The following MEGF11 variants were observed in gnomAD, a reference collection of about 807,000 sequenced individuals.
MEGF11 encodes the protein multiple EGF like domains 11.
Under a neutral mutation model 146.6 loss-of-function variants are expected in MEGF11, and 126 were observed. That is an observed-to-expected ratio of 0.86 (90% CI 0.74 to 1.00). The LOEUF (loss-of-function observed/expected upper bound fraction) is 1.00. Ranked by LOEUF, MEGF11 falls within the 50% of genes least tolerant of loss-of-function variation. The probability of loss-of-function intolerance (pLI) is 0.00; values close to 1 mark genes in which losing one functional copy is unlikely to be tolerated. For synonymous variants in MEGF11, 532 were observed against 583.4 expected (o/e 0.91, Z 1.27); for missense variants, 1,509 against 1,521.2 (o/e 0.99, Z 0.13).
chr15:66,078,793 T>G (rs1567230597), intron 5 of MEGF11, among the ~76,000 whole-genome samples: 1 of 152,208 alleles, frequency 6.6e-6, no homozygotes, highest in Non-Finnish European at 1.5e-5. Flanking sequence ...TTTGTCACAT[T>G]CAAGGTGGGA....
At position 66,065,393 on chromosome 15, in the gene MEGF11, G is replaced by A. The variant is rs1299025953; in HGVS notation, c.394+29009C>T. Among the ~76,000 whole-genome samples, 3 of 152,098 alleles carry A rather than the reference G, an allele frequency of 2.0e-5. No individual in the cohort carries two copies. The East Asian group carries it at 5.8e-4, about 29-fold the overall frequency. ...GTCAACTCCTGGTAAACCTCCTGTGGCCAAGTTAGATGGGATGCCACCCCC... is the reference window on the plus strand; with the variant it reads ...GTCAACTCCTGGTAAACCTCCTGTGACCAAGTTAGATGGGATGCCACCCCC... On this transcript the variant is annotated intron_variant, in intron 5 of 25. Coordinates refer to ENST00000395614, the MANE Select transcript of MEGF11 (RefSeq NM_001385028.1).
At chr15:66,163,717 G>C (rs2090016866) in intron 1 of MEGF11, among the ~76,000 whole-genome samples, 2 of 152,162 alleles carry the variant, frequency 1.3e-5, no homozygotes, top group Non-Finnish European at 2.9e-5. Flanking sequence ...CTGAGTTATG[G>C]GAAGGCGGGC....
intron 5 of MEGF11, among the ~76,000 whole-genome samples, chr15:66,066,841 G>A (rs2085148713): frequency 6.6e-6 from 1 of 152,172 alleles, no homozygotes; most frequent in African/African-American, 2.4e-5. Context: ...GGGAGGGTGG[G>A]GTCAGATGAT....
At chr15:66,008,497 T>G (rs921602979) in intron 5 of MEGF11, among the ~76,000 whole-genome samples, 1 of 152,028 alleles carries the variant, frequency 6.6e-6, no homozygotes, top group African/African-American at 2.4e-5. Context: ...ATGAGGATGC[T>G]TCTGCCCCTC....
intron 5 of MEGF11, among the ~76,000 whole-genome samples, chr15:66,084,360 G>A (rs1000318825): frequency 2.6e-5 from 4 of 152,166 alleles, no homozygotes; most frequent in African/African-American, 4.8e-5. Flanking sequence ...GCGGCGGCTT[G>A]CAGTGTGAAT....
chr15:66,044,212 C>T (rs1037419339), intron 5 of MEGF11, among the ~76,000 whole-genome samples: 10 of 152,194 alleles, frequency 6.6e-5, no homozygotes, highest in Non-Finnish European at 1.2e-4. Flanking sequence ...GACCTGGGTT[C>T]GAATCCCATC....
In MEGF11 at chr15:65,982,309, G is replaced by A; in HGVS notation, c.574C>T (p.Arg192Ter). The A allele has an allele frequency of 3.3e-6, 5 of 1,537,536 alleles. No individual in the cohort carries two copies. Among genetic ancestry groups the A allele is most frequent in the Non-Finnish European group, 3.5e-6 (4 of 1,144,474 alleles). ...CGGGGGTCGCAGCTGGCACCGTGTCGGCACTGGCACGGCAGCTGGCATCCC... is the reference window on the plus strand; with the variant it reads ...CGGGGGTCGCAGCTGGCACCGTGTCAGCACTGGCACGGCAGCTGGCATCCC... ...GKGCQLPCQC[R>*]HGASCDPRAG... is the part of the protein sequence containing the mutation. The change falls in exon 6 of 26, where the codon CGA becomes TGA. Residue 192 changes from arginine to a stop codon, truncating the protein, a stop_gained. Coordinates refer to ENST00000395614, the MANE Select transcript of MEGF11 (RefSeq NM_001385028.1). LOFTEE classifies it high-confidence loss of function. This position sits in a 1 kb window ranked among gnomAD's most constrained non-coding sequence, Gnocchi z 5.6.
At chr15:66,207,303 C>G (rs1010541623) in intron 1 of MEGF11, among the ~76,000 whole-genome samples, 1 of 152,100 alleles carries the variant, frequency 6.6e-6, no homozygotes, top group Admixed American at 6.6e-5. Context: ...TTGAAAGCAG[C>G]AAAAGAGAAG....
chr15:65,896,753 A>AAGTAGTAGTAGT lies in MEGF11; in HGVS notation c.*1180_*1181insACTACTACTACT, dbSNP rs2078366095. 2 of 152,188 alleles carry AAGTAGTAGTAGT rather than the reference A, an allele frequency of 1.3e-5. No individual in the cohort carries two copies. Among genetic ancestry groups the AAGTAGTAGTAGT allele is most frequent in the Admixed American group, 1.3e-4 (2 of 15,278 alleles). The allele number at this position is 152,188 out of a possible 1,614,324, so 9.4% of individuals were successfully genotyped here. On this transcript the variant is annotated 3_prime_UTR_variant, in exon 26 of 26. Transcript: ENST00000395614. Reference sequence around the variant, plus strand: ...GTAATGCATATTGGGCTAGCTCAGTAAGTAGTAGTTTTAAGATAGAAGGTG... The same window carrying AAGTAGTAGTAGT: ...GTAATGCATATTGGGCTAGCTCAGTAAGTAGTAGTAGTAGTAGTAGTTTTAAGATAGAAGGTG...
At chr15:66,113,860 G>A (rs945201944) in intron 4 of MEGF11, among the ~76,000 whole-genome samples, 4 of 151,422 alleles carry the variant, frequency 2.6e-5, no homozygotes, top group East Asian at 3.9e-4. Context: ...CAGCCTGGGC[G>A]ACAGAGCGAA....
rs73483447 is a variant in MEGF11 at position 66,075,311 on chromosome 15, C to A, written c.394+19091G>T. On this transcript the variant is annotated intron_variant, in intron 5 of 25. Transcript: ENST00000395614. Reference sequence around the variant, plus strand: ...CACAGATCTGGGCTTACAGCAAGGGCTCTATGGAGACTTAATGACATGGTT... The same window carrying A: ...CACAGATCTGGGCTTACAGCAAGGGATCTATGGAGACTTAATGACATGGTT... Among the ~76,000 whole-genome samples, 892 of 152,296 alleles carry A rather than the reference C, an allele frequency of 5.9e-3. 9 individuals are homozygous for A. Among genetic ancestry groups the A allele is most frequent in the African/African-American group, 0.021 (861 of 41,560 alleles).
chr15:66,194,332 G>A (rs979750462), intron 1 of MEGF11, among the ~76,000 whole-genome samples: 1 of 152,182 alleles, frequency 6.6e-6, no homozygotes, highest in Non-Finnish European at 1.5e-5. Flanking sequence ...GAATGAGCCG[G>A]GCATGGTGGC....
intron 1 of MEGF11, among the ~76,000 whole-genome samples, chr15:66,160,242 CCTCTCTCTCT>C (rs143653192): frequency 9.5e-4 from 127 of 133,500 alleles, no homozygotes; most frequent in African/African-American, 2.8e-3. Flanking sequence ...AAGGAAAAGC[CCTCTCTCTCT>C]CTCTCTCTCT....
At chr15:66,057,594 T>C (rs1035368579) in intron 5 of MEGF11, among the ~76,000 whole-genome samples, 3 of 151,916 alleles carry the variant, frequency 2.0e-5, no homozygotes, top group African/African-American at 7.3e-5. Context: ...CAAGGACATG[T>C]TCTGGCTAAA....
intron 1 of MEGF11, among the ~76,000 whole-genome samples, chr15:66,158,963 T>C (rs1385526497): frequency 6.6e-6 from 1 of 152,232 alleles, no homozygotes; most frequent in African/African-American, 2.4e-5. Flanking sequence ...GTCCTTACTC[T>C]TAAAGGGACA....
intron 5 of MEGF11, among the ~76,000 whole-genome samples, chr15:66,025,515 G>A (rs1304826650): frequency 6.6e-6 from 1 of 152,114 alleles, no homozygotes; most frequent in African/African-American, 2.4e-5. Flanking sequence ...GGTGGAGTCG[G>A]ACTTTTGCTC....
chr15:65,906,491 T>C (rs912723302), intron 23 of MEGF11: 11 of 212,882 alleles, frequency 5.2e-5, no homozygotes, highest in African/African-American at 2.6e-4. Flanking sequence ...TCCCTGCAGG[T>C]GAAACTCCAG....
chr15:65,898,441 C>CTG (rs1004717659), intron 25 of MEGF11: 574 of 983,458 alleles, frequency 5.8e-4, no homozygotes, highest in African/African-American at 2.8e-3. Flanking sequence ...TATCAACAAT[C>CTG]TGTGTGTGTG....
At chr15:66,039,222 C>A (rs569850715) in intron 5 of MEGF11, among the ~76,000 whole-genome samples, 1 of 152,322 alleles carries the variant, frequency 6.6e-6, no homozygotes, top group East Asian at 1.9e-4. Flanking sequence ...GACAGAGGAA[C>A]TTCCATTCCA....
Sources: gnomAD v4.1 joint callset for allele counts (sites outside exome capture counted in the v4.1 genomes callset) on GRCh38, gnomAD v4.1.1 for gene constraint, Gnocchi (gnomAD v3.1) non-coding constraint, MANE v1.5 for transcripts, NCBI Gene and HGNC (gene_info 2026-07-23, HGNC 2026-07-21) for gene names.